DMD: variants seen among roughly 807,000 people sequenced by gnomAD.
DMD encodes the protein mutant dystrophin.
A neutral mutation model predicts 330.1 loss-of-function variants in DMD; 63 were observed. The ratio of observed to expected loss-of-function variants is 0.19; its 90% CI spans 0.16 to 0.24. The LOEUF (loss-of-function observed/expected upper bound fraction) is 0.24. Among genes scored for constraint, DMD ranks in the 10% least tolerant of loss-of-function variants. The pLI is 1.00. For synonymous variants in DMD, 1,223 were observed against 959.8 expected (o/e 1.27, Z -5.07); for missense variants, 3,344 against 2,684.1 (o/e 1.25, Z -5.43).
intron 26 of DMD, among the ~76,000 whole-genome samples, chrX:32,449,425 C>T (rs1395091521): frequency 9.1e-6 from 1 of 109,996 alleles, no homozygotes; most frequent in Non-Finnish European, 1.9e-5. Context: ...AACGCCGTTT[C>T]TTTATTAATT....
At chrX:32,450,061 AG>A (rs1423423923) in intron 26 of DMD, among the ~76,000 whole-genome samples, 1 of 111,038 alleles carries the variant, frequency 9.0e-6, no homozygotes, top group Non-Finnish European at 1.9e-5. Context: ...TAATTGTTAA[AG>A]GCTGTTGGGG....
At chrX:32,806,336 A>C (rs1408482211) in intron 7 of DMD, among the ~76,000 whole-genome samples, 1 of 111,056 alleles carries the variant, frequency 9.0e-6, no homozygotes, top group Non-Finnish European at 1.9e-5. Context: ...TTTAAAAAAA[A>C]CAAAAAAAGA....
At chrX:32,784,263 G>A (rs931190596) in intron 7 of DMD, among the ~76,000 whole-genome samples, 1 of 111,535 alleles carries the variant, frequency 9.0e-6, no homozygotes, top group Admixed American at 9.6e-5. Flanking sequence ...TGTATTATAG[G>A]CCAATTTCTC....
chrX:31,727,287 T>C (rs1200461774), intron 52 of DMD, among the ~76,000 whole-genome samples: 2 of 112,006 alleles, frequency 1.8e-5, no homozygotes, highest in Admixed American at 1.9e-4. Context: ...GATTCACTCT[T>C]TTGGGTCAGT....
Position 31,421,908 on chromosome X carries a change from C to T in DMD, c.9084+22573G>A, listed in dbSNP as rs1484232266. ...CTTTCTATATATATATATACACACACACACACATATATATATATATATATA... is the reference window on the plus strand; with the variant it reads ...CTTTCTATATATATATATACACACATACACACATATATATATATATATATA... On this transcript the variant is annotated intron_variant, in intron 60 of 78. Coordinates refer to ENST00000357033, the MANE Select transcript of DMD (RefSeq NM_004006.3). Among the ~76,000 whole-genome samples the T allele has an allele frequency of 1.6e-3, 103 of 62,475 alleles. 5 individuals are homozygous for T. The highest frequency in any genetic ancestry group is 6.9e-3 in the Middle Eastern group (1 of 145). 54.3% of individuals were successfully genotyped at this position (62,475 alleles called of 115,157 possible).
intron 30 of DMD, among the ~76,000 whole-genome samples, chrX:32,410,015 C>A (rs1016084367): frequency 1.8e-5 from 2 of 111,402 alleles, no homozygotes; most frequent in African/African-American, 6.5e-5. Flanking sequence ...AAACCTTTTT[C>A]ATTATGACTC....
chrX:31,978,579 C>T (rs1326962998), intron 44 of DMD, among the ~76,000 whole-genome samples: 1 of 111,754 alleles, frequency 8.9e-6, no homozygotes, highest in Non-Finnish European at 1.9e-5. Flanking sequence ...GCCCAAATAG[C>T]GTACATAACA....
chrX:33,075,965 G>A (rs1032997091), intron 1 of DMD, among the ~76,000 whole-genome samples: 1 of 112,044 alleles, frequency 8.9e-6, no homozygotes, highest in African/African-American at 3.2e-5. Flanking sequence ...TAGTAGTCAT[G>A]CAGCTAGAGA....
At chrX:32,703,680 G>A (rs1305190288) in intron 7 of DMD, among the ~76,000 whole-genome samples, 1 of 111,361 alleles carries the variant, frequency 9.0e-6, no homozygotes, top group Non-Finnish European at 1.9e-5. Flanking sequence ...CTGGCACTCT[G>A]TGATCACCTA....
intron 44 of DMD, among the ~76,000 whole-genome samples, chrX:31,992,137 G>A (rs981477685): frequency 3.6e-5 from 4 of 111,844 alleles, no homozygotes; most frequent in Admixed American, 2.8e-4. Context: ...TAGAGGGTAA[G>A]ACGTGTGGAT....
At chrX:33,142,998 C>T (rs5972763) in intron 1 of DMD, among the ~76,000 whole-genome samples, 8,720 of 110,823 alleles carry the variant, frequency 0.079, 374 homozygotes, top group South Asian at 0.2. Flanking sequence ...TATTGTTAAA[C>T]ATCAATAGAG....
intron 44 of DMD, among the ~76,000 whole-genome samples, chrX:31,994,286 T>A (rs2095570012): frequency 9.0e-6 from 1 of 111,682 alleles, no homozygotes; most frequent in Non-Finnish European, 1.9e-5. Context: ...GAGTGACAGG[T>A]CTGAAGCAAA....
intron 59 of DMD, among the ~76,000 whole-genome samples, 161 bp from the exon 60 acceptor site, chrX:31,444,788 T>TA: frequency 9.0e-6 from 1 of 111,708 alleles, no homozygotes; most frequent in South Asian, 3.8e-4. Context: ...GTTGAAATCC[T>TA]AAAAAATAAA....
intron 60 of DMD, among the ~76,000 whole-genome samples, chrX:31,412,679 C>T (rs935852629): frequency 1.8e-5 from 2 of 111,740 alleles, no homozygotes; most frequent in African/African-American, 6.5e-5. Context: ...AGCAGAATAG[C>T]GGAAGGAGGC....
At chrX:32,611,460 C>T (rs1326850397) in intron 12 of DMD, among the ~76,000 whole-genome samples, 1 of 111,629 alleles carries the variant, frequency 9.0e-6, no homozygotes, top group Non-Finnish European at 1.9e-5. Context: ...TTAGAAATGG[C>T]ATACTTTCAA....
At chrX:33,034,833 A>T (rs2094177692) in intron 1 of DMD, among the ~76,000 whole-genome samples, 1 of 111,916 alleles carries the variant, frequency 8.9e-6, no homozygotes, top group African/African-American at 3.2e-5. Flanking sequence ...TCATCTGTAA[A>T]ATAGGTACTA....
At chrX:31,359,211 G>A (rs757747756) in intron 60 of DMD, among the ~76,000 whole-genome samples, 5 of 112,408 alleles carry the variant, frequency 4.4e-5, no homozygotes, top group Non-Finnish European at 7.5e-5. Context: ...AGATTTTAAT[G>A]TAGTGCAGTC....
chrX:31,149,295 A>G (rs2037108810), intron 74 of DMD, among the ~76,000 whole-genome samples: 1 of 111,935 alleles, frequency 8.9e-6, no homozygotes, highest in Non-Finnish European at 1.9e-5. Context: ...TGTGCTTCTG[A>G]GCTCTGTATT....
intron 51 of DMD, among the ~76,000 whole-genome samples, chrX:31,755,077 G>C (rs937219987): frequency 9.0e-6 from 1 of 111,606 alleles, no homozygotes; most frequent in African/African-American, 3.2e-5. Flanking sequence ...CGTGGGGATA[G>C]AGTTAGAATT....
Sources: gnomAD v4.1 joint callset for allele counts (sites outside exome capture counted in the v4.1 genomes callset) on GRCh38, gnomAD v4.1.1 for gene constraint, MANE v1.5 for transcripts, NCBI Gene and HGNC (gene_info 2026-07-23, HGNC 2026-07-21) for gene names.